Variants in NIPBL observed in about 807,000 individuals in gnomAD.
The protein encoded by NIPBL is nipped-B-like protein.
NIPBL carries 19 observed loss-of-function variants against 321.8 expected under a neutral mutation model. The ratio of observed to expected loss-of-function variants is 0.06; its 90% CI spans 0.04 to 0.09. NIPBL has a LOEUF of 0.09. Among genes scored for constraint, NIPBL ranks in the 10% least tolerant of loss-of-function variants. The pLI, the probability that NIPBL is intolerant of heterozygous loss-of-function variation, is 1.00. For synonymous variants in NIPBL, 1,106 were observed against 1,114.1 expected, an observed-to-expected ratio of 0.99 and a Z score of 0.14; for missense variants, 2,210 against 3,327.0, an observed-to-expected ratio of 0.66 and a Z score of 8.26.
At chr5:37,060,752 C>A in intron 44 of NIPBL, 92 bp from the exon 45 acceptor site, 2 of 1,088,840 alleles carry the variant, frequency 1.8e-6, no homozygotes, top group Non-Finnish European at 2.7e-6. Context: ...AAACTAATTT[C>A]ATTAATATGG....
Position 36,985,902 on chromosome 5 carries a change from C to G in NIPBL, c.2722C>G (p.Leu908Val). The change falls in exon 10 of 47, where the codon CTT becomes GTT. Residue 908 changes from leucine (L) to valine (V), a missense_variant. By Grantham distance (32) the Leu-to-Val change is conservative. This residue lies in a region of NIPBL where 588 missense variants were observed against 564.1 expected (regional missense o/e 1.04). Transcript: ENST00000282516. The stretch of plus-strand genomic sequence containing the variant: ...TTCTAATAAATCAAGATCTGATAAA[C>G]TTGGTTTTAAATCACCAACTAGTAA... ...GDSNKSRSDK[L>V]GFKSPTSKDD... 6.2e-7 allele frequency: 1 copy of G among 1,613,840 alleles called. No individual in the cohort carries two copies. Among genetic ancestry groups the G allele is most frequent in the South Asian group, 1.1e-5 (1 of 91,072 alleles).
intron 1 of NIPBL, among the ~76,000 whole-genome samples, chr5:36,917,781 A>G (rs1344387412): frequency 6.6e-6 from 1 of 151,922 alleles, no homozygotes; most frequent in Non-Finnish European, 1.5e-5. Flanking sequence ...TAAATAGGGA[A>G]TCCTTTCCCC....
rs754312670 is a variant in NIPBL, at chr5:37,019,376, C to T, written c.4986C>T (p.Asn1662=). 34 of 1,612,038 alleles carry T rather than the reference C, an allele frequency of 2.1e-5. No individual in the cohort carries two copies. The East Asian group carries it at 6.3e-4, about 30-fold the overall frequency. Residue 1662 remains asparagine (N), a synonymous_variant, in exon 25 of 47, where the codon AAC becomes AAT. Transcript: ENST00000282516. ...QKALLDYLDE[N]TETDPSLVFS... ...CATTGCTTGATTACTTGGATGAAAA[C>T]ACTGAGACTGATCCTTCACTAGTGG...
chr5:36,944,784 A>G (rs560676162), intron 1 of NIPBL, among the ~76,000 whole-genome samples: 3 of 152,186 alleles, frequency 2.0e-5, no homozygotes, highest in African/African-American at 7.2e-5. Flanking sequence ...ACTTATTTAC[A>G]TAAGTTGAAA....
At chr5:36,920,737 C>T (rs1462243235) in intron 1 of NIPBL, among the ~76,000 whole-genome samples, 1 of 152,122 alleles carries the variant, frequency 6.6e-6, no homozygotes, top group Non-Finnish European at 1.5e-5. Context: ...CTGTGCTCCT[C>T]CTCTCAGTAG....
chr5:37,008,619 A>AC lies in NIPBL; in HGVS notation c.4321-3dup. On this transcript the variant is annotated splice_region_variant and splice_polypyrimidine_tract_variant and intron_variant, in intron 19 of 46. Transcript: ENST00000282516. ...TAACTTGGAATCTTATAATTACTAA[A>AC]CAGGTATTCTCAAGATATGAAAAAC... 7.4e-7 allele frequency: 1 copy of AC among 1,343,364 alleles called. No homozygotes were observed. Among genetic ancestry groups the AC allele is most frequent in the African/African-American group, 1.4e-5 (1 of 69,728 alleles). 83.2% of individuals were successfully genotyped at this position (1,343,364 alleles called of 1,614,324 possible). A position where few individuals can be genotyped will look rare whatever the true frequency, so the allele number is the denominator to read the frequency against.
intron 10 of NIPBL, among the ~76,000 whole-genome samples, chr5:36,988,501 C>CT (rs961872212): frequency 1.6e-3 from 230 of 147,958 alleles, no homozygotes; most frequent in African/African-American, 4.9e-3. Flanking sequence ...GGATCCATAT[C>CT]TTTTTTTTTT....
Position 37,046,230 on chromosome 5 carries a change from T to A in NIPBL, c.6589+31T>A, listed in dbSNP as rs767458212. The A allele has an allele frequency of 4.4e-6, 5 of 1,138,610 alleles. No individual in the cohort carries two copies. In the Admixed American group the frequency reaches 6.7e-5, roughly 15 times the overall value. The allele number at this position is 1,138,610 out of a possible 1,614,324, so 70.5% of individuals were successfully genotyped here. A position where few individuals can be genotyped will look rare whatever the true frequency, so the allele number is the denominator to read the frequency against. On this transcript the variant is annotated intron_variant, in intron 38 of 46. Transcript: ENST00000282516. ...TCTAAATTTCTTTATAATTTGTAGC[T>A]ATTTGAGAGGGATAGAGCATATTTT...
chr5:37,023,853 G>T (rs532105349), intron 29 of NIPBL, among the ~76,000 whole-genome samples: 4 of 134,126 alleles, frequency 3.0e-5, no homozygotes, highest in African/African-American at 8.5e-5. Flanking sequence ...AATTTAACTT[G>T]TGTTTTGTAT....
At chr5:36,958,356 C>T (rs896019877) in intron 4 of NIPBL, 125 bp downstream of exon 4, 2 of 870,182 alleles carry the variant, frequency 2.3e-6, no homozygotes, top group South Asian at 2.8e-5. Context: ...AAGCCAAGAA[C>T]AAGAAGGAAA....
chr5:36,926,531 A>G (rs890329888), intron 1 of NIPBL, among the ~76,000 whole-genome samples: 11 of 152,192 alleles, frequency 7.2e-5, no homozygotes, highest in Non-Finnish European at 2.9e-5. Context: ...GATATTTAAC[A>G]TAGTGGATCA....
intron 29 of NIPBL, among the ~76,000 whole-genome samples, chr5:37,023,598 A>G (rs1197412235): frequency 6.6e-6 from 1 of 152,164 alleles, no homozygotes; most frequent in Non-Finnish European, 1.5e-5. Flanking sequence ...CACCCAAATT[A>G]GCACTCTAGT....
intron 45 of NIPBL, among the ~76,000 whole-genome samples, chr5:37,061,817 T>G (rs1384039556): frequency 6.6e-6 from 1 of 152,216 alleles, no homozygotes; most frequent in Non-Finnish European, 1.5e-5. Context: ...CTGCATTTTT[T>G]TTAAGTTGTA....
intron 9 of NIPBL, among the ~76,000 whole-genome samples, chr5:36,980,609 A>AC (rs1744030355): frequency 1.3e-5 from 2 of 151,620 alleles, no homozygotes; most frequent in Non-Finnish European, 1.5e-5. Context: ...AACATGCTGT[A>AC]CAGGTTTATA....
At chr5:36,922,017 G>C (rs1748986781) in intron 1 of NIPBL, among the ~76,000 whole-genome samples, 1 of 151,712 alleles carries the variant, frequency 6.6e-6, no homozygotes, top group Admixed American at 6.6e-5. Flanking sequence ...CTCCCGAGTA[G>C]CTGGGATTAC....
chr5:37,036,790 A>G (rs1751747536), intron 33 of NIPBL, among the ~76,000 whole-genome samples: 1 of 151,862 alleles, frequency 6.6e-6, no homozygotes, highest in Non-Finnish European at 1.5e-5. Context: ...TCCAGGGGCT[A>G]ATATGTATCT....
rs765741574 is a variant in NIPBL at position 37,052,502 on chromosome 5, G to A, written c.7199G>A (p.Arg2400His). The A allele has an allele frequency of 1.2e-6, 2 of 1,614,076 alleles. No individual in the cohort carries two copies. The highest frequency in any genetic ancestry group is 1.7e-5 in the Admixed American group (1 of 60,014). Residue 2400 changes from arginine to histidine, a missense_variant, in exon 42 of 47, where the codon CGT (arginine) becomes CAT (histidine). Physicochemically the swap from Arg to His is conservative, Grantham distance 29 (BLOSUM62 0). Transcript: ENST00000282516. ...ALCSHLYSMIRGNRQHRRAFL... is the reference protein window; with the variant it reads ...ALCSHLYSMIHGNRQHRRAFL... ...TGTTCACACCTTTACTCCATGATCCGTGGAAACCGCCAACACAGACGAGCC... is the reference window on the plus strand; with the variant it reads ...TGTTCACACCTTTACTCCATGATCCATGGAAACCGCCAACACAGACGAGCC...
intron 29 of NIPBL, among the ~76,000 whole-genome samples, chr5:37,023,750 C>CTTTTTTTTTT (rs779595045): frequency 2.6e-5 from 2 of 75,860 alleles, no homozygotes; most frequent in Non-Finnish European, 5.4e-5. Flanking sequence ...TTTTCTTATT[C>CTTTTTTTTTT]TTTTTTTTTT....
At chr5:37,002,363 T>G in intron 14 of NIPBL, among the ~76,000 whole-genome samples, 1 of 152,198 alleles carries the variant, frequency 6.6e-6, no homozygotes, top group South Asian at 2.1e-4. Flanking sequence ...TGGGAGACTC[T>G]TGATGTAGTC....
Sources: allele counts gnomAD v4.1 joint callset (sites outside exome capture counted in the v4.1 genomes callset), GRCh38; gene constraint gnomAD v4.1.1; regional missense constraint gnomAD v4.1.1; transcripts MANE v1.5; gene names NCBI Gene and HGNC (gene_info 2026-07-23, HGNC 2026-07-21).